Variants in VAV1 observed in about 807,000 individuals in gnomAD.
VAV1 encodes proto-oncogene vav.
Under a neutral mutation model 128.1 loss-of-function variants are expected in VAV1, and 33 were observed. The ratio of observed to expected loss-of-function variants is 0.26; its 90% CI spans 0.20 to 0.34. The LOEUF is 0.34. VAV1 is among the 10% of genes least tolerant of loss of function. VAV1 has a pLI of 1.00. For synonymous variants in VAV1, 394 were observed against 409.8 expected, an observed-to-expected ratio of 0.96 and a Z score of 0.47; for missense variants, 715 against 1,093.7, an observed-to-expected ratio of 0.65 and a Z score of 4.88.
chr19:6,780,728 C>T (rs1224761208), intron 1 of VAV1, among the ~76,000 whole-genome samples: 2 of 148,810 alleles, frequency 1.3e-5, no homozygotes, highest in African/African-American at 4.9e-5. Context: ...CGTGCCACCA[C>T]ATCCGGCTAA....
chr19:6,826,677 C>T lies in VAV1; in HGVS notation c.893C>T (p.Ala298Val), dbSNP rs868159906. The stretch of plus-strand genomic sequence containing the variant: ...GCCAGCAAACACCTGGACCGTGTGG[C>T]CGCAGCCCGGGAGGACGTGCAGATG... ...ESASKHLDRV[A>V]AAREDVQMKL... Residue 298 changes from alanine to valine, a missense_variant, in exon 9 of 27, where the codon GCC (alanine) becomes GTC (valine). By Grantham distance (64) the Ala-to-Val change is moderately conservative (BLOSUM62 0). Coordinates refer to ENST00000602142, the MANE Select transcript of VAV1 (RefSeq NM_005428.4). This position sits in a 1 kb window ranked among gnomAD's most constrained non-coding sequence, Gnocchi z 4.1. The T allele has an allele frequency of 6.4e-7, 1 of 1,559,978 alleles. No individual in the cohort carries two copies. Among genetic ancestry groups the T allele is most frequent in the East Asian group, 2.4e-5 (1 of 41,970 alleles).
Position 6,828,868 on chromosome 19 carries a change from C to T in VAV1, c.1233C>T (p.Ile411=). The change falls in exon 13 of 27, where the codon ATC becomes ATT. Residue 411 remains isoleucine, a synonymous_variant. Coordinates refer to ENST00000602142, the MANE Select transcript of VAV1 (RefSeq NM_005428.4). This position sits in a 1 kb window ranked among gnomAD's most constrained non-coding sequence, Gnocchi z 4.5. ...CCAAGATCGACGGGGAACTCAAGATCACCTCGGTGGAACGGCGCTCCAAGA... is the reference window on the plus strand; with the variant it reads ...CCAAGATCGACGGGGAACTCAAGATTACCTCGGTGGAACGGCGCTCCAAGA... ...GRPKIDGELK[I]TSVERRSKMD... 6.2e-7 allele frequency: 1 copy of T among 1,614,144 alleles called. No individual in the cohort carries two copies. The highest frequency in any genetic ancestry group is 8.5e-7 in the Non-Finnish European group (1 of 1,180,038).
Position 6,821,690 on chromosome 19 carries a change from C to A in VAV1, c.380+10C>A. ...AGAACAGGGGGATCATGTGAGTAAC[C>A]ACCTGGGCCTTGGGCCATTTAGCCC... On this transcript the variant is annotated intron_variant, in intron 3 of 26. Coordinates refer to ENST00000602142, the MANE Select transcript of VAV1 (RefSeq NM_005428.4). 1 of 1,614,190 alleles carries A rather than the reference C, an allele frequency of 6.2e-7. No homozygotes were observed. Among genetic ancestry groups the A allele is most frequent in the Non-Finnish European group, 8.5e-7 (1 of 1,180,022 alleles).
intron 24 of VAV1, among the ~76,000 whole-genome samples, chr19:6,852,487 C>T (rs369752331): frequency 5.9e-5 from 9 of 152,054 alleles, no homozygotes; most frequent in East Asian, 5.8e-4. Flanking sequence ...TTTGGGAGGC[C>T]GAGGCAGGCG....
At chr19:6,802,169 A>G (rs1197127747) in intron 1 of VAV1, among the ~76,000 whole-genome samples, 1 of 152,012 alleles carries the variant, frequency 6.6e-6, no homozygotes, top group Non-Finnish European at 1.5e-5. Context: ...GAAGGGGAAC[A>G]TCACACACAG....
intron 1 of VAV1, among the ~76,000 whole-genome samples, chr19:6,801,661 A>T (rs1971272890): frequency 6.6e-6 from 1 of 151,898 alleles, no homozygotes; most frequent in Non-Finnish European, 1.5e-5. Flanking sequence ...AGCCCTGGTA[A>T]CAGGCATTTC....
Position 6,822,245 on chromosome 19 carries a change from C to T in VAV1, c.474C>T (p.Asp158=). 1 of 1,588,528 alleles carries T rather than the reference C, an allele frequency of 6.3e-7. No homozygotes were observed. Among genetic ancestry groups the T allele is most frequent in the South Asian group, 1.2e-5 (1 of 86,832 alleles). The change falls in exon 5 of 27, where the codon GAC becomes GAT. Residue 158 remains aspartate (D), a synonymous_variant. Transcript: ENST00000602142. This position sits in a 1 kb window ranked among gnomAD's most constrained non-coding sequence, Gnocchi z 5.9. The part of the protein sequence containing the change: ...QIDDTVEEDE[D]LYDCVENEEA... ...GCGACACGGTGGAGGAGGATGAGGA[C>T]CTGTATGACTGCGTGGAGAATGAGG...
At chr19:6,778,095 C>G (rs1427866284) in intron 1 of VAV1, among the ~76,000 whole-genome samples, 1 of 152,146 alleles carries the variant, frequency 6.6e-6, no homozygotes, top group Non-Finnish European at 1.5e-5. Flanking sequence ...TGCCACCATG[C>G]CTGGCTAATT....
rs1169076080 is a variant in VAV1 at position 6,814,637 on chromosome 19, CTCCTTCCTTCCT to C, written c.205-6039_205-6028del. On this transcript the variant is annotated intron_variant, in intron 1 of 26. Transcript: ENST00000602142. ...TTCTTTCTTTCTTTCTTTTCTTTCT[CTCCTTCCTTCCT>C]TCCTTCCTTCCTTCCTTCCTTCCTT... Among the ~76,000 whole-genome samples, 53 of 82,070 alleles carry C rather than the reference CTCCTTCCTTCCT, an allele frequency of 6.5e-4. 2 individuals are homozygous for C. Among genetic ancestry groups the C allele is most frequent in the African/African-American group, 1.4e-3 (22 of 15,394 alleles). The allele number at this position is 82,070 out of a possible 152,430, so 53.8% of individuals were successfully genotyped here. A position where few individuals can be genotyped will look rare whatever the true frequency, so the allele number is the denominator to read the frequency against.
chr19:6,824,953 C>G, intron 6 of VAV1, 100 bp from the exon 7 acceptor site: 7 of 1,271,882 alleles, frequency 5.5e-6, no homozygotes, highest in Non-Finnish European at 8.0e-6. Flanking sequence ...CGCGCTGCCT[C>G]TCTTTATCTC....
At chr19:6,774,469 T>G (rs2144680705) in intron 1 of VAV1, among the ~76,000 whole-genome samples, 1 of 119,652 alleles carries the variant, frequency 8.4e-6, no homozygotes, top group South Asian at 3.0e-4. Flanking sequence ...AGGGTCTCAC[T>G]CTGTCGCCCA....
At position 6,857,127 on chromosome 19, in the gene VAV1, G is replaced by C. The variant is rs1385196254; in HGVS notation, c.*20G>C. ...TGCTGAGCCCTGGTGCCTTGGCAGA[G>C]AGACGAGAAACTCCAGGCTCTGAGC... On this transcript the variant is annotated 3_prime_UTR_variant, in exon 27 of 27. Coordinates refer to ENST00000602142, the MANE Select transcript of VAV1 (RefSeq NM_005428.4). 1.2e-6 allele frequency: 2 copies of C among 1,613,912 alleles called. No homozygotes were observed. The highest frequency in any genetic ancestry group is 8.5e-7 in the Non-Finnish European group (1 of 1,179,976).
rs1036319885 is a variant in VAV1, at chr19:6,824,902, T to C, written c.655-151T>C. 33 of 861,412 alleles carry C rather than the reference T, an allele frequency of 3.8e-5. 1 individual carries two copies. In the South Asian group the frequency reaches 4.4e-4, roughly 11 times the overall value. 53.4% of individuals were successfully genotyped at this position (861,412 alleles called of 1,614,324 possible). A position where few individuals can be genotyped will look rare whatever the true frequency, so the allele number is the denominator to read the frequency against. The stretch of plus-strand genomic sequence containing the variant: ...GTTTCCGCTTTTGGGTTATTATGAA[T>C]AATTTCACTGTGAACATTCTTGTAC... On this transcript the variant is annotated intron_variant, in intron 6 of 26. Coordinates refer to ENST00000602142, the MANE Select transcript of VAV1 (RefSeq NM_005428.4).
At chr19:6,841,390 A>T (rs1599675020) in intron 21 of VAV1, among the ~76,000 whole-genome samples, 1 of 151,984 alleles carries the variant, frequency 6.6e-6, no homozygotes, top group East Asian at 1.9e-4. Context: ...TCCTTTGGGT[A>T]TATACTCAGA....
intron 22 of VAV1, among the ~76,000 whole-genome samples, chr19:6,847,203 C>T (rs1271581065): frequency 1.3e-5 from 2 of 152,142 alleles, no homozygotes; most frequent in Non-Finnish European, 2.9e-5. Flanking sequence ...TGAGCCACAG[C>T]GCCCAGCCAG....
chr19:6,848,505 C>T (rs1246695901), intron 23 of VAV1, among the ~76,000 whole-genome samples: 4 of 148,350 alleles, frequency 2.7e-5, no homozygotes, highest in African/African-American at 7.4e-5. Context: ...CAGGTTCAAG[C>T]GATTCTCCTG....
Position 6,792,312 on chromosome 19 carries a change from G to A in VAV1, c.204+19301G>A, listed in dbSNP as rs151268869. On this transcript the variant is annotated intron_variant, in intron 1 of 26. Transcript: ENST00000602142. The stretch of plus-strand genomic sequence containing the variant: ...ATCCAGCTCACATTTTCATTGAGGA[G>A]GAAGGGTGGAGGTGGATGAAAAGAG... Among the ~76,000 whole-genome samples, 298 of 152,102 alleles carry A rather than the reference G, an allele frequency of 2.0e-3. 1 individual carries two copies. The highest frequency in any genetic ancestry group is 6.8e-3 in the African/African-American group (284 of 41,498).
At chr19:6,831,537 C>G (rs1320553044) in intron 14 of VAV1, among the ~76,000 whole-genome samples, 2 of 152,198 alleles carry the variant, frequency 1.3e-5, no homozygotes, top group Non-Finnish European at 2.9e-5. Flanking sequence ...TGGTCTCAAA[C>G]TCCTGACCTC....
At chr19:6,776,143 T>C (rs913467304) in intron 1 of VAV1, among the ~76,000 whole-genome samples, 1 of 125,008 alleles carries the variant, frequency 8.0e-6, no homozygotes, top group Non-Finnish European at 1.7e-5. Context: ...CATTCATCCA[T>C]CTGCTCATCT....
Sources: gnomAD v4.1 joint callset for allele counts (sites outside exome capture counted in the v4.1 genomes callset) on GRCh38, gnomAD v4.1.1 for gene constraint, Gnocchi (gnomAD v3.1) non-coding constraint, MANE v1.5 for transcripts, NCBI Gene and HGNC (gene_info 2026-07-23, HGNC 2026-07-21) for gene names.